CCDC88C: variants seen among roughly 807,000 people sequenced by gnomAD.
The protein encoded by CCDC88C is coiled-coil and HOOK domain protein 88C, also known as protein Daple.
Under a neutral mutation model 198.8 loss-of-function variants are expected in CCDC88C, and 131 were observed. That is an observed-to-expected ratio of 0.66 (90% CI 0.57 to 0.76). CCDC88C has a LOEUF of 0.76. Ranked by LOEUF, CCDC88C falls within the 30% of genes least tolerant of loss-of-function variation. The pLI is 0.00. For missense variants in CCDC88C, 2,553 were observed against 2,631.6 expected (o/e 0.97, Z 0.65); for synonymous variants, 1,166 against 1,114.7 (o/e 1.05, Z -0.92).
At chr14:91,296,055 G>A (rs1890988670) in intron 22 of CCDC88C, among the ~76,000 whole-genome samples, 2 of 152,118 alleles carry the variant, frequency 1.3e-5, no homozygotes, top group South Asian at 4.1e-4. Flanking sequence ...CCTCCCAACC[G>A]GAAGAAACCC....
chr14:91,330,847 G>A (rs1036790042), intron 10 of CCDC88C, among the ~76,000 whole-genome samples: 2 of 152,142 alleles, frequency 1.3e-5, no homozygotes, highest in African/African-American at 4.8e-5. Context: ...GGACTCGAGG[G>A]TCTATGTGTG....
intron 2 of CCDC88C, 52 bp downstream of exon 2, chr14:91,416,686 C>A: frequency 7.2e-7 from 1 of 1,382,868 alleles, no homozygotes; most frequent in South Asian, 1.2e-5. Flanking sequence ...TTTCTACTCT[C>A]AAACTTTCTA....
intron 26 of CCDC88C, 123 bp from the exon 27 acceptor site, chr14:91,281,648 A>G: frequency 1.3e-6 from 1 of 799,040 alleles, no homozygotes; most frequent in Non-Finnish European, 2.1e-6. Context: ...AGGGAATGGC[A>G]TGCAGATGCT....
At chr14:91,387,335 G>A (rs546078789) in intron 3 of CCDC88C, among the ~76,000 whole-genome samples, 27 of 152,124 alleles carry the variant, frequency 1.8e-4, no homozygotes, top group African/African-American at 5.3e-4. Flanking sequence ...GAGTGCCAAC[G>A]TCCGGGCCAT....
chr14:91,382,553 G>A (rs1830749007), intron 3 of CCDC88C, among the ~76,000 whole-genome samples: 1 of 152,188 alleles, frequency 6.6e-6, no homozygotes, highest in African/African-American at 2.4e-5. Context: ...TACAGGACAT[G>A]GGTCCTACAG....
chr14:91,385,835 G>T (rs1464077447), intron 3 of CCDC88C, among the ~76,000 whole-genome samples: 2 of 152,024 alleles, frequency 1.3e-5, no homozygotes, highest in Non-Finnish European at 2.9e-5. Flanking sequence ...CTAAAAGCCT[G>T]CTTTTGTCCT....
chr14:91,313,124 T>C lies in CCDC88C; in HGVS notation c.2692A>G (p.Lys898Glu). The C allele has an allele frequency of 6.2e-7, 1 of 1,604,546 alleles. No individual in the cohort carries two copies. ...ELEKDNRDLT[K>E]QVTVHARTLT... ...GTCCTTGCATGCACGGTGACTTGCT[T>C]GGTGAGGTCCCGGTTGTCCTTCTCC... Residue 898 changes from lysine to glutamate, a missense_variant, in exon 15 of 30, where the codon AAG becomes GAG. Around this residue, in one of 2 missense-constraint regions of CCDC88C, gnomAD observed 1,260 missense variants for 1,412.0 expected, o/e 0.89. Transcript: ENST00000389857. The surrounding 1 kb of genome is among the most constrained non-coding windows in gnomAD (Gnocchi z 5.2).
At chr14:91,285,749 C>A in intron 25 of CCDC88C, 1 of 1,288,962 alleles carries the variant, frequency 7.8e-7, no homozygotes, top group Non-Finnish European at 1.0e-6. Flanking sequence ...GAACCGCAGG[C>A]GTTTAGAGAG....
At chr14:91,366,770 G>A (rs556542024) in intron 3 of CCDC88C, among the ~76,000 whole-genome samples, 3 of 152,214 alleles carry the variant, frequency 2.0e-5, no homozygotes, top group Non-Finnish European at 4.4e-5. Context: ...GGTCCTGGGC[G>A]AAAGGCTGAC....
chr14:91,376,480 G>A (rs968148352), intron 3 of CCDC88C, among the ~76,000 whole-genome samples: 2 of 152,210 alleles, frequency 1.3e-5, no homozygotes, highest in African/African-American at 4.8e-5. Flanking sequence ...CACAGTCAAG[G>A]TAGTGAGGGA....
Position 91,373,083 on chromosome 14 carries a change from T to C in CCDC88C, c.271-13372A>G, listed in dbSNP as rs1894896912. On this transcript the variant is annotated intron_variant, in intron 3 of 29. Transcript: ENST00000389857. ...AAAGGAAGACAGTCCCAGCTACCTG[T>C]GTGTGCGAGGAGTGGGGTCCATTCT... Among the ~76,000 whole-genome samples, 3 of 152,138 alleles carry C rather than the reference T, an allele frequency of 2.0e-5. No individual in the cohort carries two copies. The South Asian group carries it at 6.2e-4, about 31-fold the overall frequency.
At chr14:91,380,217 G>C (rs1884704479) in intron 3 of CCDC88C, among the ~76,000 whole-genome samples, 2 of 152,192 alleles carry the variant, frequency 1.3e-5, no homozygotes, top group African/African-American at 4.8e-5. Flanking sequence ...TTGTAAAACT[G>C]TTAATAATAG....
intron 3 of CCDC88C, chr14:91,379,561 C>T (rs1016266498): frequency 1.3e-5 from 7 of 527,556 alleles, no homozygotes; most frequent in Non-Finnish European, 2.4e-5. Flanking sequence ...ATGTTTACTG[C>T]CTGATTCAGG....
Position 91,284,033 on chromosome 14 carries a change from C to T in CCDC88C, c.4442-516G>A, listed in dbSNP as rs74906873. 1.5e-4 allele frequency among the ~76,000 whole-genome samples: 23 copies of T among 152,280 alleles called. 1 individual carries two copies. In the East Asian group the frequency reaches 4.2e-3, roughly 28 times the overall value. ...AAGCCTTAATCTCTGCATGGTGAGA[C>T]GAACTGCAAGAAAATTTTTACCTTG... On this transcript the variant is annotated intron_variant, in intron 25 of 29. Transcript: ENST00000389857. The surrounding 1 kb of genome is among the most constrained non-coding windows in gnomAD (Gnocchi z 4.1).
At chr14:91,278,775 G>A (rs1890073031) in intron 28 of CCDC88C, among the ~76,000 whole-genome samples, 1 of 151,786 alleles carries the variant, frequency 6.6e-6, no homozygotes, top group African/African-American at 2.4e-5. Context: ...CTCCCAGCCT[G>A]TGCCTGAAAC....
At chr14:91,405,410 C>G (rs1886430238) in intron 3 of CCDC88C, among the ~76,000 whole-genome samples, 1 of 152,188 alleles carries the variant, frequency 6.6e-6, no homozygotes, top group African/African-American at 2.4e-5. Context: ...CAAGGTTTGT[C>G]CCACTTCATT....
chr14:91,385,105 A>T (rs1260516132), intron 3 of CCDC88C, among the ~76,000 whole-genome samples: 2 of 152,160 alleles, frequency 1.3e-5, no homozygotes, highest in African/African-American at 4.8e-5. Context: ...ACCAGGACAC[A>T]GCACGCTCAG....
At chr14:91,296,765 G>C (rs1269645763) in intron 22 of CCDC88C, among the ~76,000 whole-genome samples, 1 of 152,156 alleles carries the variant, frequency 6.6e-6, no homozygotes. Context: ...AGACCTACGT[G>C]CTCCTCCCTG....
Position 91,313,072 on chromosome 14 carries a change from T to C in CCDC88C, c.2736+8A>G. On this transcript the variant is annotated splice_region_variant and intron_variant, in intron 15 of 29. Coordinates refer to ENST00000389857, the MANE Select transcript of CCDC88C (RefSeq NM_001080414.4). This position sits in a 1 kb window ranked among gnomAD's most constrained non-coding sequence, Gnocchi z 5.2. ...ATCCCCTTACAGGCGCCGCCTGTGT[T>C]TGCTCACCTCCCTCAGAGTTGTCAG... The C allele has an allele frequency of 6.4e-7, 1 of 1,566,510 alleles. No homozygotes were observed.
Sources: gnomAD v4.1 joint callset for allele counts (sites outside exome capture counted in the v4.1 genomes callset) on GRCh38, gnomAD v4.1.1 for gene constraint, gnomAD v4.1.1 regional missense constraint, Gnocchi (gnomAD v3.1) non-coding constraint, MANE v1.5 for transcripts, NCBI Gene and HGNC (gene_info 2026-07-23, HGNC 2026-07-21) for gene names.